Variants in TMCC1 observed in about 807,000 individuals in gnomAD.
The protein encoded by TMCC1 is transmembrane and coiled-coil domain family 1.
TMCC1 carries 15 observed loss-of-function variants against 52.4 expected under a neutral mutation model. The observed-to-expected ratio is 0.29, with a 90% CI of 0.19 to 0.44. The LOEUF is 0.44. TMCC1 is among the 20% of genes least tolerant of loss of function. TMCC1 has a pLI of 1.00. For synonymous variants in TMCC1, 279 were observed against 301.9 expected, an observed-to-expected ratio of 0.92 and a Z score of 0.79; for missense variants, 503 against 806.0, an observed-to-expected ratio of 0.62 and a Z score of 4.55.
intron 4 of TMCC1, among the ~76,000 whole-genome samples, chr3:129,767,539 AT>A (rs1366328219): frequency 1.3e-5 from 2 of 152,052 alleles, no homozygotes; most frequent in African/African-American, 4.8e-5. Context: ...CACTTTGCTA[AT>A]TTTTAAATTT....
intron 4 of TMCC1, among the ~76,000 whole-genome samples, chr3:129,717,020 T>C (rs1420470777): frequency 6.6e-6 from 1 of 152,202 alleles, no homozygotes; most frequent in African/African-American, 2.4e-5. Context: ...TCTAATGAAT[T>C]TTCCCCTTCA....
intron 4 of TMCC1, among the ~76,000 whole-genome samples, chr3:129,692,083 G>A (rs2047066042): frequency 1.3e-5 from 2 of 152,198 alleles, no homozygotes; most frequent in Admixed American, 6.5e-5. Flanking sequence ...TTGGCAAACT[G>A]AGGCTAGTAT....
At chr3:129,824,335 CA>C (rs369436525) in intron 4 of TMCC1, among the ~76,000 whole-genome samples, 13,683 of 151,532 alleles carry the variant, frequency 0.09, 693 homozygotes, top group Middle Eastern at 0.15. Flanking sequence ...GACTCTGTGT[CA>C]AAAAAAACCA....
intron 2 of TMCC1, among the ~76,000 whole-genome samples, chr3:129,873,190 C>T (rs552055628): frequency 4.6e-5 from 7 of 152,000 alleles, no homozygotes; most frequent in Non-Finnish European, 8.8e-5. Context: ...CATGAGCCAC[C>T]GCGCCCAGCC....
chr3:129,817,655 T>A (rs1325508419), intron 4 of TMCC1, among the ~76,000 whole-genome samples: 2 of 152,088 alleles, frequency 1.3e-5, no homozygotes, highest in African/African-American at 4.8e-5. Flanking sequence ...GGGAATTTTT[T>A]TTTTCTTTTT....
At chr3:129,707,349 T>C (rs761845038) in intron 4 of TMCC1, among the ~76,000 whole-genome samples, 7 of 152,206 alleles carry the variant, frequency 4.6e-5, no homozygotes, top group Admixed American at 2.6e-4. Context: ...GAAAGGGACC[T>C]TAAAAGATGG....
Position 129,681,921 on chromosome 3 carries a change from T to A in TMCC1, c.577-10657A>T, listed in dbSNP as rs867544315. 5.8e-4 allele frequency among the ~76,000 whole-genome samples: 85 copies of A among 146,490 alleles called. 1 individual carries two copies. The East Asian group carries it at 6.1e-3, about 10-fold the overall frequency. ...ACTTCGTCTCAAAAAAAAAAAAAAA[T>A]TTTTAATTAAAAAATAAATAAAATA... On this transcript the variant is annotated intron_variant, in intron 4 of 6. Coordinates refer to ENST00000393238, the MANE Select transcript of TMCC1 (RefSeq NM_001017395.5).
At chr3:129,748,587 CTTG>C (rs756197155) in intron 4 of TMCC1, among the ~76,000 whole-genome samples, 19 of 152,080 alleles carry the variant, frequency 1.2e-4, no homozygotes, top group Non-Finnish European at 2.1e-4. Flanking sequence ...TGCGCTTGGC[CTTG>C]TTGTTTTTTA....
intron 4 of TMCC1, among the ~76,000 whole-genome samples, chr3:129,803,622 G>C (rs1299569499): frequency 6.6e-6 from 1 of 152,000 alleles, no homozygotes; most frequent in African/African-American, 2.4e-5. Context: ...CTTGCCTTTA[G>C]GCATGGAATT....
chr3:129,750,570 ATTTTTTTT>A (rs374554261), intron 4 of TMCC1, among the ~76,000 whole-genome samples: 1 of 89,954 alleles, frequency 1.1e-5, no homozygotes, highest in Non-Finnish European at 2.2e-5. Flanking sequence ...ATAGATCTAA[ATTTTTTTT>A]TTTTTTTTTT....
At chr3:129,825,830 G>A (rs537617528) in intron 4 of TMCC1, among the ~76,000 whole-genome samples, 2 of 152,252 alleles carry the variant, frequency 1.3e-5, no homozygotes, top group Non-Finnish European at 2.9e-5. Flanking sequence ...TTATTTGGGG[G>A]TAATGGGAAT....
intron 2 of TMCC1, among the ~76,000 whole-genome samples, chr3:129,835,722 C>T (rs2059129634): frequency 6.6e-6 from 1 of 152,132 alleles, no homozygotes; most frequent in Admixed American, 6.5e-5. Context: ...TGAGTACATA[C>T]TGCATATGCA....
intron 4 of TMCC1, among the ~76,000 whole-genome samples, chr3:129,740,888 T>A (rs907821697): frequency 5.3e-5 from 8 of 152,180 alleles, no homozygotes; most frequent in African/African-American, 1.9e-4. Context: ...CTTTACAACA[T>A]CTAGTTCTGG....
chr3:129,890,432 G>T (rs775221169), intron 1 of TMCC1, among the ~76,000 whole-genome samples: 2 of 152,204 alleles, frequency 1.3e-5, no homozygotes, highest in Non-Finnish European at 2.9e-5. Context: ...GTAAAAATCA[G>T]ATTCTAATTC....
At chr3:129,800,898 G>A (rs528140256) in intron 4 of TMCC1, among the ~76,000 whole-genome samples, 2 of 147,324 alleles carry the variant, frequency 1.4e-5, no homozygotes, top group African/African-American at 5.0e-5. Flanking sequence ...GTGCTGATAC[G>A]TTTTCCCTCT....
intron 4 of TMCC1, among the ~76,000 whole-genome samples, chr3:129,762,055 G>C (rs1297064633): frequency 1.4e-5 from 1 of 74,012 alleles, no homozygotes; most frequent in African/African-American, 5.3e-5. Flanking sequence ...TTTTTTTTTT[G>C]AGACAGAGTC....
chr3:129,723,250 T>C (rs1253804742), intron 4 of TMCC1, among the ~76,000 whole-genome samples: 1 of 152,072 alleles, frequency 6.6e-6, no homozygotes, highest in Non-Finnish European at 1.5e-5. Context: ...GATCTGGAGA[T>C]ACAAGTTTCA....
At chr3:129,694,927 G>A (rs955808567) in intron 4 of TMCC1, among the ~76,000 whole-genome samples, 5 of 151,502 alleles carry the variant, frequency 3.3e-5, no homozygotes, top group Admixed American at 6.6e-5. Context: ...GGTTTGGATT[G>A]GGATGGCTTT....
chr3:129,707,864 G>T (rs1378957793), intron 4 of TMCC1, among the ~76,000 whole-genome samples: 1 of 150,944 alleles, frequency 6.6e-6, no homozygotes, highest in Non-Finnish European at 1.5e-5. Context: ...CCCAGGAGAC[G>T]GAGGTTGCAG....
Sources: gnomAD v4.1 joint callset for allele counts (sites outside exome capture counted in the v4.1 genomes callset) on GRCh38, gnomAD v4.1.1 for gene constraint, MANE v1.5 for transcripts, NCBI Gene and HGNC (gene_info 2026-07-23, HGNC 2026-07-21) for gene names.